Variants in EIF3E observed in about 807,000 individuals in gnomAD.
EIF3E encodes the protein eukaryotic translation initiation factor 3 subunit E, also known as eIF-3 p48.
EIF3E carries 25 observed loss-of-function variants against 59.3 expected under a neutral mutation model. The ratio of observed to expected loss-of-function variants is 0.42; its 90% CI spans 0.31 to 0.59. The LOEUF (loss-of-function observed/expected upper bound fraction) is 0.59. EIF3E is among the 20% of genes least tolerant of loss of function. EIF3E has a pLI of 0.15. For missense variants in EIF3E, 317 were observed against 534.3 expected (o/e 0.59, Z 4.01); for synonymous variants, 176 against 170.2 (o/e 1.03, Z -0.26).
chr8:108,220,702 ACATGCTGTC>A (rs1375807356), intron 7 of EIF3E, among the ~76,000 whole-genome samples: 1 of 152,246 alleles, frequency 6.6e-6, no homozygotes, highest in Admixed American at 6.5e-5. Context: ...CCCCAGATCA[ACATGCTGTC>A]AATATCCTCA....
At chr8:108,222,588 G>A (rs1380709207) in intron 7 of EIF3E, among the ~76,000 whole-genome samples, 1 of 152,106 alleles carries the variant, frequency 6.6e-6, no homozygotes, top group Non-Finnish European at 1.5e-5. Context: ...AATGACCAAT[G>A]TGCTCTTTTG....
intron 2 of EIF3E, 65 bp from the exon 3 acceptor site, chr8:108,240,140 G>A (rs1815807717): frequency 7.6e-7 from 1 of 1,308,416 alleles, no homozygotes; most frequent in Admixed American, 1.7e-5. Context: ...CTCATCATGA[G>A]AATGTCTGGA....
At position 108,236,151 on chromosome 8, in the gene EIF3E, A is replaced by C. The variant is rs1472300385; in HGVS notation, c.366+10T>G. ...ACATGACAACTTTAAAATATTTTTA[A>C]AACACTTACACCATGCTTGTCCGCC... is the stretch of plus-strand genomic sequence containing the variant. On this transcript the variant is annotated intron_variant, in intron 4 of 12. Transcript: ENST00000220849. 6.2e-7 allele frequency: 1 copy of C among 1,602,446 alleles called. No homozygotes were observed. Among genetic ancestry groups the C allele is most frequent in the African/African-American group, 1.3e-5 (1 of 74,548 alleles).
intron 7 of EIF3E, among the ~76,000 whole-genome samples, chr8:108,223,708 CTCTA>C (rs1334423765): frequency 2.0e-5 from 3 of 152,136 alleles, no homozygotes; most frequent in African/African-American, 7.2e-5. Context: ...ACGAACACTG[CTCTA>C]TCTTACACCT....
chr8:108,220,079 G>C (rs13271761), intron 7 of EIF3E, among the ~76,000 whole-genome samples: 8,148 of 151,828 alleles, frequency 0.054, 433 homozygotes, highest in African/African-American at 0.14. Flanking sequence ...GGAGGTGGAG[G>C]TTGCAGTGAG....
intron 10 of EIF3E, among the ~76,000 whole-genome samples, chr8:108,206,434 G>A (rs1297622712): frequency 6.6e-6 from 1 of 152,164 alleles, no homozygotes; most frequent in African/African-American, 2.4e-5. Context: ...GCTTACCTAA[G>A]GAAATGATAT....
At chr8:108,213,833 G>C (rs1815254173) in intron 10 of EIF3E, among the ~76,000 whole-genome samples, 1 of 152,146 alleles carries the variant, frequency 6.6e-6, no homozygotes, top group South Asian at 2.1e-4. Context: ...TTCTAACTCT[G>C]GACAACCACT....
In EIF3E at chr8:108,217,420, G is replaced by A. The variant is rs1171045951; in HGVS notation, c.763C>T (p.Arg255Cys). Residue 255 changes from arginine (R) to cysteine (C), a missense_variant, in exon 8 of 13, where the codon CGC becomes TGC. Around this residue, in one of 4 missense-constraint regions of EIF3E, gnomAD observed 242 missense variants for 398.0 expected, o/e 0.61. Transcript: ENST00000220849. ...AIQTMCPHIL[R>C]YLTTAVITNK... The stretch of plus-strand genomic sequence containing the variant: ...GTTATGACTGCTGTAGTCAAATAGC[G>A]AAGAATGTGTGGACACATTGTCTGA... The A allele has an allele frequency of 6.2e-7, 1 of 1,604,992 alleles. No homozygotes were observed. Among genetic ancestry groups the A allele is most frequent in the Non-Finnish European group, 8.5e-7 (1 of 1,176,176 alleles).
intron 1 of EIF3E, among the ~76,000 whole-genome samples, chr8:108,244,239 A>G (rs1196766059): frequency 3.3e-5 from 5 of 152,226 alleles, no homozygotes; most frequent in African/African-American, 1.2e-4. Context: ...GTATAAAGTT[A>G]ATATTCTATA....
intron 6 of EIF3E, among the ~76,000 whole-genome samples, 193 bp from the exon 7 acceptor site, chr8:108,228,584 C>CAATAA (rs1815563444): frequency 6.6e-6 from 1 of 152,086 alleles, no homozygotes; most frequent in Non-Finnish European, 1.5e-5. Context: ...AATTATTACC[C>CAATAA]TGTTCTTAGA....
chr8:108,222,573 C>G (rs1586199535), intron 7 of EIF3E, among the ~76,000 whole-genome samples: 1 of 152,294 alleles, frequency 6.6e-6, no homozygotes, highest in East Asian at 1.9e-4. Context: ...AACAGTTAGC[C>G]TACCAATGAC....
intron 7 of EIF3E, chr8:108,227,466 T>G (rs1469262586): frequency 6.6e-6 from 1 of 152,216 alleles, no homozygotes; most frequent in South Asian, 2.1e-4. Flanking sequence ...GAGCTAATAT[T>G]GCCACTGTAA....
In EIF3E at chr8:108,201,650, T is replaced by C; in HGVS notation, c.*235A>G. Reference sequence around the variant, plus strand: ...GGTTCAGCCTACAGGGACTTCTCTGTACTATTTTTGCAAATTCCTCTGAAT... The same window carrying C: ...GGTTCAGCCTACAGGGACTTCTCTGCACTATTTTTGCAAATTCCTCTGAAT... On this transcript the variant is annotated 3_prime_UTR_variant, in exon 13 of 13. Coordinates refer to ENST00000220849, the MANE Select transcript of EIF3E (RefSeq NM_001568.3). The C allele has an allele frequency of 8.5e-6, 3 of 353,738 alleles. No homozygotes were observed. 21.9% of individuals were successfully genotyped at this position (353,738 alleles called of 1,614,324 possible). A position where few individuals can be genotyped will look rare whatever the true frequency, so the allele number is the denominator to read the frequency against.
intron 10 of EIF3E, among the ~76,000 whole-genome samples, chr8:108,205,435 C>T (rs1815081929): frequency 6.6e-6 from 1 of 152,170 alleles, no homozygotes; most frequent in Non-Finnish European, 1.5e-5. Context: ...CCTCTTGAGT[C>T]TCTACAATCT....
chr8:108,204,731 G>GTGTA (rs1554597993), intron 10 of EIF3E, among the ~76,000 whole-genome samples: 129 of 86,576 alleles, frequency 1.5e-3, no homozygotes, highest in South Asian at 3.1e-3. Context: ...TAGTATGTAT[G>GTGTA]TATATATATA....
chr8:108,202,018 CTA>C (rs1815004229), intron 12 of EIF3E, 95 bp from the exon 13 acceptor site: 3 of 1,168,170 alleles, frequency 2.6e-6, no homozygotes, highest in Non-Finnish European at 2.4e-6. Context: ...TACTTCAGCA[CTA>C]TAGTCTCTTG....
chr8:108,240,098 A>G (rs1337086516), intron 2 of EIF3E, 23 bp from the exon 3 acceptor site: 1 of 1,564,346 alleles, frequency 6.4e-7, no homozygotes, highest in South Asian at 1.1e-5. Flanking sequence ...GCAGAAGAGC[A>G]CTACAATGTT....
chr8:108,243,955 T>TG (rs1193267791), intron 1 of EIF3E, among the ~76,000 whole-genome samples: 3 of 152,214 alleles, frequency 2.0e-5, no homozygotes, highest in Admixed American at 6.5e-5. Context: ...TCAATAGCCT[T>TG]GCTCCTCTAC....
Position 108,201,906 on chromosome 8 carries a change from A to G in EIF3E, c.1317T>C (p.Thr439=). 1 of 1,579,284 alleles carries G rather than the reference A, an allele frequency of 6.3e-7. No individual in the cohort carries two copies. Among genetic ancestry groups the G allele is most frequent in the Non-Finnish European group, 8.6e-7 (1 of 1,163,058 alleles). Residue 439 remains threonine (T), a synonymous_variant, in exon 13 of 13, where the codon ACT becomes ACC. Coordinates refer to ENST00000220849, the MANE Select transcript of EIF3E (RefSeq NM_001568.3). ...NSRSEAPNWA[T]QDSGFY is the part of the protein sequence containing the mutation. Reference sequence around the variant, plus strand: ...TTCTTCAGTAGAAGCCAGAATCTTGAGTTGCCCAGTTAGGAGCCTAAAATA... The same window carrying G: ...TTCTTCAGTAGAAGCCAGAATCTTGGGTTGCCCAGTTAGGAGCCTAAAATA...
Sources: allele counts gnomAD v4.1 joint callset (sites outside exome capture counted in the v4.1 genomes callset), GRCh38; gene constraint gnomAD v4.1.1; regional missense constraint gnomAD v4.1.1; transcripts MANE v1.5; gene names NCBI Gene and HGNC (gene_info 2026-07-23, HGNC 2026-07-21).